The following COG3 variants were observed in gnomAD, a reference collection of about 807,000 sequenced individuals.
The protein encoded by COG3 is component of oligomeric golgi complex 3.
COG3 carries 32 observed loss-of-function variants against 114.1 expected under a neutral mutation model. The ratio of observed to expected loss-of-function variants is 0.28; its 90% confidence interval spans 0.21 to 0.38. COG3 has a LOEUF of 0.38. Among genes scored for constraint, COG3 ranks in the 10% least tolerant of loss-of-function variants. The probability of loss-of-function intolerance (pLI) is 1.00; values close to 1 mark genes in which losing one functional copy is unlikely to be tolerated. For missense variants in COG3, 813 were observed against 973.2 expected, an observed-to-expected ratio of 0.84 and a Z score of 2.19; for synonymous variants, 352 against 365.7, an observed-to-expected ratio of 0.96 and a Z score of 0.43.
intron 7 of COG3, among the ~76,000 whole-genome samples, chr13:45,485,270 C>T (rs1384226437): frequency 2.9e-5 from 1 of 34,298 alleles, no homozygotes; most frequent in African/African-American, 1.5e-4. Context: ...GGCGGCTGGC[C>T]GGGCGGGGGG....
intron 20 of COG3, among the ~76,000 whole-genome samples, chr13:45,526,699 G>A (rs566985763): frequency 2.0e-5 from 3 of 152,224 alleles, no homozygotes; most frequent in South Asian, 2.1e-4. Context: ...TGTGAAAAAC[G>A]TTGTGTGTGA....
chr13:45,523,196 CTT>C (rs1160394932), intron 19 of COG3, among the ~76,000 whole-genome samples: 2 of 149,600 alleles, frequency 1.3e-5, no homozygotes, highest in African/African-American at 4.9e-5. Context: ...AAAACTCAGA[CTT>C]ATATATAGAA....
chr13:45,473,887 T>C (rs1489570572), intron 1 of COG3, among the ~76,000 whole-genome samples: 2 of 152,216 alleles, frequency 1.3e-5, no homozygotes, highest in Non-Finnish European at 2.9e-5. Flanking sequence ...TCAGGATAAA[T>C]TCTTACTGGA....
At chr13:45,500,489 A>G (rs180796429) in intron 13 of COG3, among the ~76,000 whole-genome samples, 8 of 152,308 alleles carry the variant, frequency 5.3e-5, no homozygotes, top group African/African-American at 4.8e-5. Flanking sequence ...TCCTGTTTCT[A>G]TTTAGACTGC....
intron 12 of COG3, among the ~76,000 whole-genome samples, chr13:45,494,512 A>T (rs774637985): frequency 2.0e-5 from 3 of 151,850 alleles, no homozygotes; most frequent in Admixed American, 1.3e-4. Context: ...TTTAAAATTC[A>T]TATGGTTTTT....
intron 1 of COG3, 24 bp downstream of exon 1, chr13:45,465,234 G>A: frequency 1.2e-6 from 2 of 1,610,532 alleles, no homozygotes; most frequent in Non-Finnish European, 1.7e-6. Context: ...CAGGAACCGG[G>A]CCGGGGCGAT....
At chr13:45,513,215 T>TTA (rs5803299) in intron 16 of COG3, among the ~76,000 whole-genome samples, 14 of 85,138 alleles carry the variant, frequency 1.6e-4, no homozygotes, top group African/African-American at 5.0e-4. Context: ...TACATATAAA[T>TTA]TATATATATA....
chr13:45,513,167 G>A (rs181733916), intron 16 of COG3, among the ~76,000 whole-genome samples: 3 of 145,532 alleles, frequency 2.1e-5, no homozygotes, highest in African/African-American at 7.6e-5. Context: ...ATTTATAAAC[G>A]TGACTTTTAA....
chr13:45,534,933 CA>C lies in COG3; in HGVS notation c.*205del. 8.0e-7 allele frequency: 1 copy of C among 1,257,716 alleles called. No individual in the cohort carries two copies. The allele number at this position is 1,257,716 out of a possible 1,614,324, so 77.9% of individuals were successfully genotyped here. ...TTTCTTTTCTAAAACATCAAAATGC[CA>C]AAGATTAATCTGTGATTGGTGATAA... On this transcript the variant is annotated 3_prime_UTR_variant, in exon 23 of 23. Coordinates refer to ENST00000349995, the MANE Select transcript of COG3 (RefSeq NM_031431.4).
chr13:45,515,219 G>A (rs1593737957), intron 16 of COG3, among the ~76,000 whole-genome samples: 1 of 152,158 alleles, frequency 6.6e-6, no homozygotes, highest in Non-Finnish European at 1.5e-5. Flanking sequence ...CTGTGTTCCC[G>A]TATGCAGAGT....
intron 16 of COG3, 39 bp from the exon 17 acceptor site, chr13:45,516,104 A>C (rs1593738975): frequency 9.0e-6 from 13 of 1,446,234 alleles, no homozygotes; most frequent in Non-Finnish European, 1.1e-5. Context: ...ATTTTGATTT[A>C]ATATGTGATC....
Position 45,499,739 on chromosome 13 carries a change from T to C in COG3, c.1488+3427T>C, listed in dbSNP as rs368319088. On this transcript the variant is annotated intron_variant, in intron 13 of 22. Coordinates refer to ENST00000349995, the MANE Select transcript of COG3 (RefSeq NM_031431.4). The stretch of plus-strand genomic sequence containing the variant: ...ATATTTGACTTTTTAAAAATAGTCT[T>C]GGCCAGGCACGGTGGCTTGCGCCTG... 2.6e-5 allele frequency among the ~76,000 whole-genome samples: 4 copies of C among 152,174 alleles called. No individual in the cohort carries two copies. In the East Asian group the frequency reaches 7.7e-4, roughly 29 times the overall value.
intron 10 of COG3, 68 bp from the exon 11 acceptor site, chr13:45,492,091 T>G: frequency 1.1e-6 from 1 of 945,656 alleles, no homozygotes; most frequent in South Asian, 1.5e-5. Context: ...AAGTGTAGGC[T>G]TTATTTCATA....
chr13:45,503,155 T>A (rs1331392875), intron 13 of COG3, 89 bp from the exon 14 acceptor site: 5 of 516,202 alleles, frequency 9.7e-6, no homozygotes, highest in East Asian at 6.4e-5. Flanking sequence ...AAGTTGAAAA[T>A]ATATATATAT....
chr13:45,533,854 T>C (rs1024760146), intron 22 of COG3, among the ~76,000 whole-genome samples: 3 of 152,268 alleles, frequency 2.0e-5, no homozygotes, highest in East Asian at 1.9e-4. Context: ...CTTTGTACTT[T>C]GGCAGGGAAA....
At position 45,508,433 on chromosome 13, in the gene COG3, T is replaced by C. The variant is rs12872042; in HGVS notation, c.1595-1259T>C. Among the ~76,000 whole-genome samples the C allele has an allele frequency of 7.5e-3, 1,052 of 140,620 alleles. 11 individuals are homozygous for C. Among genetic ancestry groups the C allele is most frequent in the African/African-American group, 0.023 (898 of 39,264 alleles). 92.3% of individuals were successfully genotyped at this position (140,620 alleles called of 152,430 possible). A position where few individuals can be genotyped will look rare whatever the true frequency, so the allele number is the denominator to read the frequency against. On this transcript the variant is annotated intron_variant, in intron 14 of 22. Transcript: ENST00000349995. ...ACACACACACACACACACATACACA[T>C]ATATATACATATATGTGTATGTGTG... is the stretch of plus-strand genomic sequence containing the variant.
intron 19 of COG3, among the ~76,000 whole-genome samples, chr13:45,522,494 A>G (rs57765969): frequency 2.6e-5 from 4 of 152,104 alleles, no homozygotes; most frequent in Non-Finnish European, 5.9e-5. Flanking sequence ...ACCTGGAGTA[A>G]GAGAAGCATC....
intron 14 of COG3, among the ~76,000 whole-genome samples, chr13:45,508,909 T>C (rs1322674924): frequency 6.6e-6 from 1 of 152,214 alleles, no homozygotes; most frequent in African/African-American, 2.4e-5. Flanking sequence ...ACTCAGAGTG[T>C]GGAAGACAGT....
intron 1 of COG3, among the ~76,000 whole-genome samples, chr13:45,467,415 A>G (rs999279214): frequency 6.6e-6 from 1 of 152,220 alleles, no homozygotes; most frequent in Non-Finnish European, 1.5e-5. Flanking sequence ...AACATGGCGA[A>G]ACACCATCTC....
Sources: gnomAD v4.1 joint callset for allele counts (sites outside exome capture counted in the v4.1 genomes callset) on GRCh38, gnomAD v4.1.1 for gene constraint, MANE v1.5 for transcripts, NCBI Gene and HGNC (gene_info 2026-07-23, HGNC 2026-07-21) for gene names.